The following WDR44 variants were observed in gnomAD, a reference collection of about 807,000 sequenced individuals.
WDR44 encodes the protein WD repeat domain 44.
A neutral mutation model predicts 65.7 loss-of-function variants in WDR44; 9 were observed. That is an observed-to-expected ratio of 0.14 (90% confidence interval 0.08 to 0.24). The LOEUF (loss-of-function observed/expected upper bound fraction) is 0.24. Ranked by LOEUF, WDR44 falls within the 10% of genes least tolerant of loss-of-function variation. The pLI, the probability that WDR44 is intolerant of heterozygous loss-of-function variation, is 1.00. For missense variants in WDR44, 425 were observed against 670.9 expected, an observed-to-expected ratio of 0.63 and a Z score of 4.05; for synonymous variants, 220 against 235.2, an observed-to-expected ratio of 0.94 and a Z score of 0.59.
intron 14 of WDR44, among the ~76,000 whole-genome samples, chrX:118,437,990 C>T (rs750924092): frequency 6.5e-5 from 7 of 108,210 alleles, no homozygotes; most frequent in African/African-American, 1.3e-4. Context: ...GAGCTGAGAT[C>T]GCGCCAGCCT....
chrX:118,368,723 T>G (rs1363680760), intron 1 of WDR44, among the ~76,000 whole-genome samples: 3 of 93,314 alleles, frequency 3.2e-5, no homozygotes, highest in African/African-American at 1.2e-4. Context: ...TTTTTTTTTT[T>G]TTTTTTTTTT....
chrX:118,360,947 T>C (rs1211951113), intron 1 of WDR44, among the ~76,000 whole-genome samples: 1 of 111,278 alleles, frequency 9.0e-6, no homozygotes, highest in Non-Finnish European at 1.9e-5. Context: ...TCTTTAGGAG[T>C]CTGTTAGGAA....
intron 12 of WDR44, among the ~76,000 whole-genome samples, chrX:118,413,482 A>AT (rs1201673445): frequency 2.7e-5 from 3 of 111,622 alleles, no homozygotes; most frequent in African/African-American, 9.8e-5. Context: ...CCATTTGTAT[A>AT]TTTTTTTGAG....
In WDR44 at chrX:118,392,885, G is replaced by A. The variant is rs2056831878; in HGVS notation, c.440G>A (p.Cys147Tyr). ...AAATGCTTTCCTTCTGATGAAACCT[G>A]TGAGAAACCAGTAGATGAAACCACG... is the stretch of plus-strand genomic sequence containing the variant. ...LKKCFPSDETCEKPVDETTKL... is the reference protein window; with the variant it reads ...LKKCFPSDETYEKPVDETTKL... The change falls in exon 4 of 20, where the codon TGT becomes TAT. Residue 147 changes from cysteine to tyrosine, a missense_variant. By Grantham distance (194) the Cys-to-Tyr change is radical. Around this residue, in one of 5 missense-constraint regions of WDR44, gnomAD observed 193 missense variants for 209.0 expected, o/e 0.92. Transcript: ENST00000254029. 8.3e-7 allele frequency: 1 copy of A among 1,210,900 alleles called. No individual in the cohort carries two copies. Among genetic ancestry groups the A allele is most frequent in the Non-Finnish European group, 1.1e-6 (1 of 895,492 alleles).
intron 11 of WDR44, among the ~76,000 whole-genome samples, chrX:118,410,386 A>G (rs1047867742): frequency 5.4e-5 from 6 of 111,748 alleles, no homozygotes; most frequent in African/African-American, 1.9e-4. Context: ...ACTTGAGTAA[A>G]TCCTGTGAGT....
chrX:118,435,614 A>T (rs1024727781), intron 13 of WDR44, among the ~76,000 whole-genome samples: 2 of 112,743 alleles, frequency 1.8e-5, no homozygotes, highest in Admixed American at 1.9e-4. Context: ...ACATAGGTTC[A>T]TGGTGTGCCA....
chrX:118,404,451 T>G lies in WDR44; in HGVS notation c.1381+7T>G. ...AAAAGTGTTAGAGATGAAGGTGAGT[T>G]AAAACAGAACATTTCAACTAAACAT... On this transcript the variant is annotated splice_region_variant and intron_variant, in intron 9 of 19. Coordinates refer to ENST00000254029, the MANE Select transcript of WDR44 (RefSeq NM_019045.5). 1 of 1,116,801 alleles carries G rather than the reference T, an allele frequency of 9.0e-7. No individual in the cohort carries two copies. The highest frequency in any genetic ancestry group is 1.2e-6 in the Non-Finnish European group (1 of 822,180). The allele number at this position is 1,116,801 out of a possible 1,213,427, so 92.0% of individuals were successfully genotyped here.
chrX:118,431,125 T>C (rs371897801), intron 12 of WDR44, among the ~76,000 whole-genome samples: 8 of 111,512 alleles, frequency 7.2e-5, no homozygotes, highest in African/African-American at 2.6e-4. Flanking sequence ...ACTTATTGAC[T>C]GCTTTTCCTG....
intron 1 of WDR44, among the ~76,000 whole-genome samples, chrX:118,369,671 T>C (rs2056595576): frequency 9.2e-6 from 1 of 109,042 alleles, no homozygotes; most frequent in Non-Finnish European, 1.9e-5. Flanking sequence ...GGTTTCACCG[T>C]GTTAGCCAGG....
At chrX:118,423,424 C>T (rs2147734261) in intron 12 of WDR44, among the ~76,000 whole-genome samples, 1 of 112,133 alleles carries the variant, frequency 8.9e-6, no homozygotes, top group South Asian at 3.7e-4. Flanking sequence ...CCGCCTTGGC[C>T]TCCCAAAGTG....
At chrX:118,369,727 A>G (rs930762249) in intron 1 of WDR44, among the ~76,000 whole-genome samples, 1 of 111,720 alleles carries the variant, frequency 9.0e-6, no homozygotes, top group South Asian at 3.7e-4. Flanking sequence ...CTCGGCCACC[A>G]AAGTGCTGGG....
Position 118,406,870 on chromosome X carries a change from T to C in WDR44, c.1382-5T>C, listed in dbSNP as rs745350590. On this transcript the variant is annotated splice_polypyrimidine_tract_variant and splice_region_variant and intron_variant, in intron 9 of 19. Transcript: ENST00000254029. ...AGTAGTGATTTCTGTTGCTTTTCTG[T>C]TCAGTGTTTCATACTGATCAAGATG... The C allele has an allele frequency of 1.7e-6, 2 of 1,195,601 alleles. No homozygotes were observed. Among genetic ancestry groups the C allele is most frequent in the Non-Finnish European group, 2.3e-6 (2 of 886,796 alleles).
intron 15 of WDR44, among the ~76,000 whole-genome samples, chrX:118,441,948 G>A (rs1382101423): frequency 9.0e-6 from 1 of 111,335 alleles, no homozygotes; most frequent in Non-Finnish European, 1.9e-5. Context: ...CAACGTGTTG[G>A]CCAGGCTGGT....
chrX:118,376,300 A>C, intron 1 of WDR44, among the ~76,000 whole-genome samples: 1 of 111,648 alleles, frequency 9.0e-6, no homozygotes, highest in East Asian at 2.8e-4. Context: ...TTTTTAACAA[A>C]TTAAGTTTTT....
At chrX:118,434,412 T>C (rs2057237419) in intron 13 of WDR44, among the ~76,000 whole-genome samples, 2 of 112,169 alleles carry the variant, frequency 1.8e-5, no homozygotes, top group African/African-American at 6.5e-5. Flanking sequence ...TTATACCTGT[T>C]TAATCTTTTA....
At chrX:118,434,663 T>C (rs1043388201) in intron 13 of WDR44, among the ~76,000 whole-genome samples, 1 of 111,511 alleles carries the variant, frequency 9.0e-6, no homozygotes, top group Non-Finnish European at 1.9e-5. Context: ...CCTAAAGGTC[T>C]ATCCTCATAT....
chrX:118,375,595 T>A (rs1429697284), intron 1 of WDR44, among the ~76,000 whole-genome samples: 2 of 111,418 alleles, frequency 1.8e-5, no homozygotes, highest in African/African-American at 6.5e-5. Context: ...CTTGTATTAT[T>A]TAAGATATCA....
At chrX:118,352,551 G>T (rs1003066826) in intron 1 of WDR44, among the ~76,000 whole-genome samples, 25 of 104,565 alleles carry the variant, frequency 2.4e-4, no homozygotes, top group Middle Eastern at 4.8e-3. Flanking sequence ...GTATAGTGGT[G>T]GTCTTAAACA....
rs78700435 is a variant in WDR44 at position 118,387,348 on chromosome X, G to A, written c.120G>A (p.Glu40=). Residue 40 remains glutamate, a synonymous_variant, in exon 3 of 20, where the codon GAG becomes GAA. Transcript: ENST00000254029. ...TTTTCTTTTTCAAACAGGAAACAGAGAACACTGCATACAAAGTTGGAAATG... is the reference window on the plus strand; with the variant it reads ...TTTTCTTTTTCAAACAGGAAACAGAAAACACTGCATACAAAGTTGGAAATG... ...KVGLSTFKET[E]NTAYKVGNES... is the part of the protein sequence containing the mutation. 4.5e-5 allele frequency: 54 copies of A among 1,188,314 alleles called. No homozygotes were observed. The African/African-American group carries it at 8.4e-4, about 18-fold the overall frequency.
Sources: allele counts gnomAD v4.1 joint callset (sites outside exome capture counted in the v4.1 genomes callset), GRCh38; gene constraint gnomAD v4.1.1; regional missense constraint gnomAD v4.1.1; transcripts MANE v1.5; gene names NCBI Gene and HGNC (gene_info 2026-07-23, HGNC 2026-07-21).